CREB3L2: variants seen among roughly 807,000 people sequenced by gnomAD.
CREB3L2 encodes cyclic AMP-responsive element-binding protein 3-like protein 2.
In CREB3L2, 23 loss-of-function variants were observed where a neutral mutation model predicts 57.2. The ratio of observed to expected loss-of-function variants is 0.40; its 90% CI spans 0.29 to 0.57. The LOEUF is 0.57. Among genes scored for constraint, CREB3L2 ranks in the 20% least tolerant of loss-of-function variants. The pLI, the probability that CREB3L2 is intolerant of heterozygous loss-of-function variation, is 0.42. For synonymous variants in CREB3L2, 268 were observed against 265.1 expected (o/e 1.01, Z -0.11); for missense variants, 628 against 634.7 (o/e 0.99, Z 0.11).
intron 1 of CREB3L2, among the ~76,000 whole-genome samples, chr7:137,947,555 C>T: frequency 6.6e-6 from 1 of 152,128 alleles, no homozygotes; most frequent in Non-Finnish European, 1.5e-5. Flanking sequence ...CGCCATTTGC[C>T]CCCCTTGGCT....
At chr7:137,914,678 G>A (rs144823648) in intron 3 of CREB3L2, among the ~76,000 whole-genome samples, 3 of 152,168 alleles carry the variant, frequency 2.0e-5, no homozygotes, top group East Asian at 1.9e-4. Context: ...GTGGAGCAAG[G>A]AGACTAATAT....
intron 1 of CREB3L2, among the ~76,000 whole-genome samples, chr7:137,937,606 A>C (rs933430412): frequency 2.0e-5 from 3 of 152,214 alleles, no homozygotes; most frequent in Non-Finnish European, 4.4e-5. Flanking sequence ...AATTTCAAGG[A>C]TACCCAATTC....
intron 4 of CREB3L2, among the ~76,000 whole-genome samples, chr7:137,909,654 C>T (rs1357196132): frequency 6.6e-6 from 1 of 152,212 alleles, no homozygotes; most frequent in East Asian, 1.9e-4. Context: ...ACATCACCTC[C>T]TTGTCCCTTC....
At position 137,879,159 on chromosome 7, in the gene CREB3L2, T is replaced by C. The variant is rs1563234723; in HGVS notation, c.*1317A>G. 1 of 511,166 alleles carries C rather than the reference T, an allele frequency of 2.0e-6. No homozygotes were observed. Among genetic ancestry groups the C allele is most frequent in the Non-Finnish European group, 3.7e-6 (1 of 270,394 alleles). The allele number at this position is 511,166 out of a possible 1,614,324, so 31.7% of individuals were successfully genotyped here. On this transcript the variant is annotated 3_prime_UTR_variant, in exon 12 of 12. Transcript: ENST00000330387. Reference sequence around the variant, plus strand: ...GATTTTTTTAAACTACAAAAGTTACTTTTAACCATAAAAAAAAAACAAAAA... The same window carrying C: ...GATTTTTTTAAACTACAAAAGTTACCTTTAACCATAAAAAAAAAACAAAAA...
At chr7:137,888,317 A>C (rs1172052336) in intron 8 of CREB3L2, among the ~76,000 whole-genome samples, 4 of 149,562 alleles carry the variant, frequency 2.7e-5, no homozygotes, top group African/African-American at 9.7e-5. Flanking sequence ...GAAATACTCA[A>C]CAGCATAATT....
chr7:137,958,987 A>G (rs1437441285), intron 1 of CREB3L2, among the ~76,000 whole-genome samples: 1 of 152,216 alleles, frequency 6.6e-6, no homozygotes, highest in Non-Finnish European at 1.5e-5. Flanking sequence ...TTTTAAAGAG[A>G]CTAACATTAA....
chr7:137,885,410 C>T lies in CREB3L2; in HGVS notation c.1136G>A (p.Cys379Tyr), dbSNP rs115624749. The change falls in exon 9 of 12, where the codon TGC becomes TAC. Residue 379 changes from cysteine to tyrosine, a missense_variant. Physicochemically the swap from Cys to Tyr is radical, Grantham distance 194. Transcript: ENST00000330387. ...CCCTGCTGGGAAGCTCACCATGAGG[C>T]AGGTGCCAGTCTGCGTGCCAGCTAA... ...CKLAGTQTGT[C>Y]LMVVVLCFAV... 1.2e-6 allele frequency: 2 copies of T among 1,613,736 alleles called. No homozygotes were observed. Among genetic ancestry groups the T allele is most frequent in the Non-Finnish European group, 1.7e-6 (2 of 1,179,668 alleles).
chr7:137,903,816 G>A, intron 7 of CREB3L2, 143 bp downstream of exon 7: 2 of 685,404 alleles, frequency 2.9e-6, no homozygotes, highest in East Asian at 2.5e-5. Context: ...CCACTAGGTG[G>A]CAGGCAAACC....
chr7:137,928,078 C>A, intron 2 of CREB3L2, 72 bp downstream of exon 2: 1 of 1,159,294 alleles, frequency 8.6e-7, no homozygotes, highest in South Asian at 1.3e-5. Context: ...TAATATAATA[C>A]ACACTCCACA....
intron 9 of CREB3L2, 62 bp downstream of exon 9, chr7:137,885,341 G>A (rs1799392066): frequency 1.4e-6 from 2 of 1,410,162 alleles, no homozygotes; most frequent in Non-Finnish European, 2.0e-6. Flanking sequence ...GCAAGTGGAG[G>A]GAGAGGGGAG....
intron 1 of CREB3L2, among the ~76,000 whole-genome samples, chr7:137,982,837 A>G (rs4291194): frequency 0.64 from 96,923 of 152,038 alleles, 32,418 homozygotes; most frequent in South Asian, 0.88. Context: ...AAATGGGCTG[A>G]AAGGATGGTG....
At chr7:137,907,139 G>C (rs1799907451) in intron 5 of CREB3L2, among the ~76,000 whole-genome samples, 1 of 152,196 alleles carries the variant, frequency 6.6e-6, no homozygotes, top group East Asian at 1.9e-4. Context: ...CTAAGCAAAA[G>C]GCAGTATTTT....
intron 1 of CREB3L2, among the ~76,000 whole-genome samples, chr7:137,969,761 AAC>A (rs66931280): frequency 0.064 from 6,580 of 103,458 alleles, 419 homozygotes; most frequent in Admixed American, 0.22. Flanking sequence ...AGGGTCATCA[AAC>A]ACACACACAC....
At chr7:137,925,501 A>C (rs1563254581) in intron 2 of CREB3L2, among the ~76,000 whole-genome samples, 1 of 152,210 alleles carries the variant, frequency 6.6e-6, no homozygotes, top group African/African-American at 2.4e-5. Flanking sequence ...TACATGCTAC[A>C]TATTTATGTG....
chr7:137,920,693 T>C (rs540366433), intron 2 of CREB3L2, among the ~76,000 whole-genome samples: 2 of 152,326 alleles, frequency 1.3e-5, no homozygotes, highest in African/African-American at 4.8e-5. Flanking sequence ...ATCATATCAA[T>C]AAATGTTTGT....
chr7:137,981,881 G>C (rs979779367), intron 1 of CREB3L2, among the ~76,000 whole-genome samples: 6 of 152,220 alleles, frequency 3.9e-5, no homozygotes, highest in Non-Finnish European at 7.3e-5. Flanking sequence ...TAGGTTTCGA[G>C]TACAGAGGCA....
At chr7:137,962,006 G>GCC (rs1801331201) in intron 1 of CREB3L2, among the ~76,000 whole-genome samples, 1 of 151,934 alleles carries the variant, frequency 6.6e-6, no homozygotes, top group Non-Finnish European at 1.5e-5. Flanking sequence ...TCCTCTCCTA[G>GCC]CATCCCCTGC....
chr7:137,882,212 GT>G (rs911470751), intron 11 of CREB3L2, among the ~76,000 whole-genome samples, 199 bp downstream of exon 11: 3 of 152,132 alleles, frequency 2.0e-5, no homozygotes, highest in Non-Finnish European at 2.9e-5. Flanking sequence ...GCTCACGCTG[GT>G]TTTTTTCCTC....
Position 137,876,956 on chromosome 7 carries a change from G to T in CREB3L2, c.*3520C>A, listed in dbSNP as rs1182436042. On this transcript the variant is annotated 3_prime_UTR_variant, in exon 12 of 12. Transcript: ENST00000330387. ...CAAATTCACACCTTGTATGACATGT[G>T]GGCAGAGGAGCTGGCCTGGAGAGGC... The T allele has an allele frequency of 8.6e-6, 2 of 231,760 alleles. No homozygotes were observed. The highest frequency in any genetic ancestry group is 1.7e-5 in the Non-Finnish European group (2 of 117,212). The allele number at this position is 231,760 out of a possible 1,614,324, so 14.4% of individuals were successfully genotyped here.
Sources: allele counts gnomAD v4.1 joint callset (sites outside exome capture counted in the v4.1 genomes callset), GRCh38; gene constraint gnomAD v4.1.1; transcripts MANE v1.5; gene names NCBI Gene and HGNC (gene_info 2026-07-23, HGNC 2026-07-21).